Variants in CFAP20DC observed in about 807,000 individuals in gnomAD.
CFAP20DC encodes the protein protein CFAP20DC.
CFAP20DC carries 84 observed loss-of-function variants against 101.7 expected under a neutral mutation model. The ratio of observed to expected loss-of-function variants is 0.83; its 90% CI spans 0.69 to 0.99. CFAP20DC has a LOEUF of 0.99. Among genes scored for constraint, CFAP20DC ranks in the 50% least tolerant of loss-of-function variants. The pLI, the probability that CFAP20DC is intolerant of heterozygous loss-of-function variation, is 0.00. For synonymous variants in CFAP20DC, 359 were observed against 351.2 expected, an observed-to-expected ratio of 1.02 and a Z score of -0.25; for missense variants, 1,007 against 970.3, an observed-to-expected ratio of 1.04 and a Z score of -0.50.
chr3:58,804,896 T>C (rs538639456), intron 15 of CFAP20DC, among the ~76,000 whole-genome samples: 4 of 152,334 alleles, frequency 2.6e-5, no homozygotes, highest in South Asian at 2.1e-4. Context: ...TTTGTGATAG[T>C]GACAATTCAC....
At chr3:59,048,356 T>G (rs1169788809) in intron 1 of CFAP20DC, among the ~76,000 whole-genome samples, 1 of 152,202 alleles carries the variant, frequency 6.6e-6, no homozygotes, top group Non-Finnish European at 1.5e-5. Flanking sequence ...AATGTCTTCT[T>G]CCTTAGGCAG....
chr3:58,842,337 G>A (rs1311271593), intron 13 of CFAP20DC, among the ~76,000 whole-genome samples: 3 of 152,186 alleles, frequency 2.0e-5, no homozygotes, highest in Non-Finnish European at 4.4e-5. Flanking sequence ...GCAGGGCGAG[G>A]CATTGCCTCA....
At chr3:58,778,501 C>T (rs1243682076) in intron 15 of CFAP20DC, among the ~76,000 whole-genome samples, 1 of 152,236 alleles carries the variant, frequency 6.6e-6, no homozygotes, top group Non-Finnish European at 1.5e-5. Flanking sequence ...ACTGCCAACA[C>T]CAGTGTGGAC....
intron 14 of CFAP20DC, among the ~76,000 whole-genome samples, chr3:58,825,599 A>G (rs969948947): frequency 4.6e-5 from 7 of 152,066 alleles, no homozygotes; most frequent in African/African-American, 1.7e-4. Flanking sequence ...CCTCACCAAG[A>G]TAAAATTCAC....
At chr3:58,842,212 G>C (rs866479731) in intron 13 of CFAP20DC, among the ~76,000 whole-genome samples, 1 of 152,144 alleles carries the variant, frequency 6.6e-6, no homozygotes, top group Non-Finnish European at 1.5e-5. Context: ...CAGCGTGAGC[G>C]ACGCAGAAGA....
intron 8 of CFAP20DC, 152 bp downstream of exon 8, chr3:58,870,021 A>C (rs2080011800): frequency 4.5e-6 from 3 of 669,106 alleles, no homozygotes; most frequent in Non-Finnish European, 7.2e-6. Context: ...TTCTGTTCCA[A>C]ATTTATTCAA....
At position 58,886,317 on chromosome 3, in the gene CFAP20DC, A is replaced by G. The variant is rs180962089; in HGVS notation, c.551-1608T>C. Reference sequence around the variant, plus strand: ...TGGGATGAGACAGTAAAGAGCCACAATAAATTGAATTTATGAAGATGTTTT... The same window carrying G: ...TGGGATGAGACAGTAAAGAGCCACAGTAAATTGAATTTATGAAGATGTTTT... On this transcript the variant is annotated intron_variant, in intron 6 of 16. Transcript: ENST00000482387. Among the ~76,000 whole-genome samples the G allele has an allele frequency of 4.3e-3, 651 of 152,330 alleles. 3 individuals carry two copies. Among genetic ancestry groups the G allele is most frequent in the Non-Finnish European group, 6.8e-3 (463 of 68,040 alleles).
chr3:58,879,589 A>G (rs2081062616), intron 7 of CFAP20DC, among the ~76,000 whole-genome samples: 1 of 152,216 alleles, frequency 6.6e-6, no homozygotes, highest in Admixed American at 6.5e-5. Context: ...CTAGGAATAC[A>G]ACAATAAATA....
Position 58,721,824 on chromosome 3 carries a change from T to C in CFAP20DC, c.198-4196A>G, listed in dbSNP as rs1410782920. On this transcript the variant is annotated intron_variant, in intron 3 of 3. Transcript: ENST00000486145. This position sits in a 1 kb window ranked among gnomAD's most constrained non-coding sequence, Gnocchi z 5.2. ...AGAGAACCAGGGCAGGAATCCAAAG[T>C]GGAGACCACCAGGCTCTGGTCATGT... Among the ~76,000 whole-genome samples the C allele has an allele frequency of 6.6e-6, 1 of 152,204 alleles. No individual in the cohort carries two copies. The highest frequency in any genetic ancestry group is 1.5e-5 in the Non-Finnish European group (1 of 68,024).
At chr3:58,734,797 A>G (rs572697476) in intron 3 of CFAP20DC, among the ~76,000 whole-genome samples, 1 of 152,248 alleles carries the variant, frequency 6.6e-6, no homozygotes, top group East Asian at 1.9e-4. Flanking sequence ...CACAGCCCAA[A>G]GCACTTACCA....
intron 3 of CFAP20DC, among the ~76,000 whole-genome samples, chr3:58,735,203 A>G (rs1054105367): frequency 3.9e-5 from 6 of 152,214 alleles, no homozygotes; most frequent in African/African-American, 1.2e-4. Flanking sequence ...TCACTTAATA[A>G]ACCTTTCTCC....
intron 3 of CFAP20DC, among the ~76,000 whole-genome samples, chr3:58,720,394 C>T (rs756150901): frequency 2.6e-5 from 4 of 152,136 alleles, no homozygotes; most frequent in Non-Finnish European, 5.9e-5. Flanking sequence ...GAAGTGATGG[C>T]CTTGATACAG....
rs906243938 is a variant in CFAP20DC at position 58,799,110 on chromosome 3, T to A, written c.2237+7285A>T. ...TATGTGTATGCATATAAATAATGGTTTTTTTTTTCTATTTGCTTACCCAGA... is the reference window on the plus strand; with the variant it reads ...TATGTGTATGCATATAAATAATGGTATTTTTTTTCTATTTGCTTACCCAGA... On this transcript the variant is annotated intron_variant, in intron 15 of 16. Transcript: ENST00000482387. This position sits in a 1 kb window ranked among gnomAD's most constrained non-coding sequence, Gnocchi z 4.9. Among the ~76,000 whole-genome samples, 1 of 151,374 alleles carries A rather than the reference T, an allele frequency of 6.6e-6. No homozygotes were observed. The highest frequency in any genetic ancestry group is 1.5e-5 in the Non-Finnish European group (1 of 67,860).
At chr3:58,741,022 T>C (rs2067869504), downstream of CFAP20DC, among the ~76,000 whole-genome samples, 1 of 152,194 alleles carries the variant, frequency 6.6e-6, no homozygotes, top group South Asian at 2.1e-4. Context: ...TGGTTCTAAA[T>C]AATGTATGAT....
chr3:58,819,755 C>T (rs1373488652), intron 14 of CFAP20DC, among the ~76,000 whole-genome samples: 1 of 145,884 alleles, frequency 6.9e-6, no homozygotes, highest in Non-Finnish European at 1.5e-5. Context: ...CTATTCCAAT[C>T]AATAGAAAAA....
At position 59,047,497 on chromosome 3, in the gene CFAP20DC, T is replaced by C. The variant is rs114212481; in HGVS notation, c.22-243A>G. ...AAAGCATGACAAACATTAAATCAAT[T>C]GTGCCATACAAACCCTACAGTATCT... On this transcript the variant is annotated intron_variant, in intron 1 of 16. Coordinates refer to ENST00000482387, the MANE Select transcript of CFAP20DC (RefSeq NM_001394063.1). Among the ~76,000 whole-genome samples the C allele has an allele frequency of 7.3e-3, 1,109 of 152,300 alleles. 8 individuals are homozygous for C. Among genetic ancestry groups the C allele is most frequent in the Non-Finnish European group, 0.012 (841 of 68,018 alleles).
chr3:58,756,177 A>G (rs957814756), intron 15 of CFAP20DC, among the ~76,000 whole-genome samples: 1 of 152,008 alleles, frequency 6.6e-6, no homozygotes, highest in Non-Finnish European at 1.5e-5. Flanking sequence ...TACTAATCCA[A>G]CACCACAGGT....
intron 4 of CFAP20DC, among the ~76,000 whole-genome samples, chr3:58,959,607 C>T (rs1302005751): frequency 1.3e-5 from 2 of 152,218 alleles, no homozygotes; most frequent in Admixed American, 1.3e-4. Context: ...GACTGTCATG[C>T]TGCTGCATTG....
intron 4 of CFAP20DC, among the ~76,000 whole-genome samples, chr3:58,967,493 A>G (rs1410555562): frequency 1.3e-5 from 2 of 152,172 alleles, no homozygotes; most frequent in African/African-American, 2.4e-5. Context: ...CACAAGCAAT[A>G]AAAGAAAAAA....
Sources: allele counts gnomAD v4.1 joint callset (sites outside exome capture counted in the v4.1 genomes callset), GRCh38; gene constraint gnomAD v4.1.1; non-coding constraint Gnocchi (gnomAD v3.1); transcripts MANE v1.5; gene names NCBI Gene and HGNC (gene_info 2026-07-23, HGNC 2026-07-21).